Variants in SFXN5 observed in about 807,000 individuals in gnomAD.
SFXN5 encodes sideroflexin-5.
Under a neutral mutation model 50.2 loss-of-function variants are expected in SFXN5, and 43 were observed. The ratio of observed to expected loss-of-function variants is 0.86; its 90% CI spans 0.67 to 1.11. SFXN5 has a LOEUF of 1.11. Among genes scored for constraint, SFXN5 ranks in the 50% least tolerant of loss-of-function variants. SFXN5 has a pLI of 0.00. For synonymous variants in SFXN5, 203 were observed against 185.8 expected (o/e 1.09, Z -0.75); for missense variants, 463 against 454.1 (o/e 1.02, Z -0.18).
intron 3 of SFXN5, among the ~76,000 whole-genome samples, chr2:73,035,464 C>T (rs1253109464): frequency 6.7e-6 from 1 of 150,048 alleles, no homozygotes; most frequent in Non-Finnish European, 1.5e-5. Flanking sequence ...ATTTTGTCCT[C>T]AGAACCAGTG....
chr2:73,012,379 T>A (rs752626273), intron 6 of SFXN5, among the ~76,000 whole-genome samples: 2 of 152,084 alleles, frequency 1.3e-5, no homozygotes, highest in Admixed American at 6.6e-5. Flanking sequence ...CCAAAGAACA[T>A]ATTCATGTAT....
intron 6 of SFXN5, among the ~76,000 whole-genome samples, chr2:73,004,315 G>GCGCACACA (rs777120545): frequency 1.7e-5 from 2 of 115,556 alleles, no homozygotes; most frequent in African/African-American, 5.5e-5. Flanking sequence ...GAGTGCGCGC[G>GCGCACACA]CACACACACA....
chr2:73,038,546 T>G (rs1215209864), intron 3 of SFXN5, among the ~76,000 whole-genome samples: 1 of 152,174 alleles, frequency 6.6e-6, no homozygotes, highest in African/African-American at 2.4e-5. Context: ...GGAGGAACAC[T>G]TAAGCCTGAG....
chr2:73,028,422 C>T (rs1263048589), intron 3 of SFXN5, among the ~76,000 whole-genome samples: 5 of 152,140 alleles, frequency 3.3e-5, no homozygotes, highest in Non-Finnish European at 7.3e-5. Context: ...GAGGCCTGGG[C>T]GCAGGGAGGG....
At chr2:72,958,425 A>G (rs1673343508) in intron 13 of SFXN5, among the ~76,000 whole-genome samples, 2 of 152,160 alleles carry the variant, frequency 1.3e-5, no homozygotes, top group Admixed American at 1.3e-4. Flanking sequence ...CCATTTCCCC[A>G]GCAAAGTCAG....
chr2:73,021,778 A>G (rs995662460), intron 5 of SFXN5, among the ~76,000 whole-genome samples: 4 of 152,190 alleles, frequency 2.6e-5, no homozygotes, highest in Admixed American at 6.5e-5. Context: ...TTGCACTGAG[A>G]AATGGCAAGA....
intron 2 of SFXN5, among the ~76,000 whole-genome samples, chr2:73,057,676 C>T (rs1358396783): frequency 6.6e-6 from 1 of 152,162 alleles, no homozygotes; most frequent in African/African-American, 2.4e-5. Flanking sequence ...CCCACCCAAA[C>T]CTCATCTCAA....
chr2:72,955,262 C>T (rs989365842), intron 13 of SFXN5, among the ~76,000 whole-genome samples: 4 of 134,854 alleles, frequency 3.0e-5, no homozygotes, highest in Non-Finnish European at 5.9e-5. Flanking sequence ...CCTGTCACCA[C>T]GGCTGGCTCG....
At position 73,047,298 on chromosome 2, in the gene SFXN5, A is replaced by ATAT. The variant is rs1394689911; in HGVS notation, c.172-6368_172-6367insATA. On this transcript the variant is annotated intron_variant, in intron 2 of 13. Transcript: ENST00000272433. ...TATACACACATATATATATATATAT[A>ATAT]AAATATATATGTGTGTGTATGTATA... Among the ~76,000 whole-genome samples, 117 of 99,624 alleles carry ATAT rather than the reference A, an allele frequency of 1.2e-3. 3 individuals carry two copies. Among genetic ancestry groups the ATAT allele is most frequent in the African/African-American group, 1.7e-3 (39 of 23,258 alleles). The allele number at this position is 99,624 out of a possible 152,430, so 65.4% of individuals were successfully genotyped here.
intron 10 of SFXN5, among the ~76,000 whole-genome samples, chr2:72,979,852 T>C (rs1486295650): frequency 6.6e-6 from 1 of 152,194 alleles, no homozygotes; most frequent in African/African-American, 2.4e-5. Context: ...CATATAGATA[T>C]AATAGGCAGA....
chr2:72,965,179 C>T (rs1478498938), intron 12 of SFXN5, among the ~76,000 whole-genome samples: 1 of 152,160 alleles, frequency 6.6e-6, no homozygotes, highest in Non-Finnish European at 1.5e-5. Flanking sequence ...AGCAAGAGGA[C>T]GTTGAGGGGA....
chr2:73,052,036 T>C (rs1326639208), intron 2 of SFXN5, among the ~76,000 whole-genome samples: 1 of 152,118 alleles, frequency 6.6e-6, no homozygotes, highest in Admixed American at 6.5e-5. Context: ...TAATTTAATG[T>C]GTTACAATCC....
At chr2:72,968,122 A>AACACAC (rs34361357) in intron 12 of SFXN5, among the ~76,000 whole-genome samples, 6,393 of 137,212 alleles carry the variant, frequency 0.047, 186 homozygotes, top group Middle Eastern at 0.1. Flanking sequence ...CACACATGAA[A>AACACAC]ACACACACAC....
intron 3 of SFXN5, among the ~76,000 whole-genome samples, chr2:73,039,450 G>A (rs920800205): frequency 6.6e-6 from 1 of 152,196 alleles, no homozygotes; most frequent in African/African-American, 2.4e-5. Context: ...GTCTGACTAT[G>A]CAGTAAATGT....
At chr2:72,971,482 T>C (rs1224433287) in intron 11 of SFXN5, 88 bp downstream of exon 11, 4 of 887,376 alleles carry the variant, frequency 4.5e-6, no homozygotes, top group Non-Finnish European at 7.1e-6. Context: ...GTACCCTGGA[T>C]AGAAGCCTGT....
rs1281691903 is a variant in SFXN5 at position 73,040,882 on chromosome 2, G to T, written c.221C>A (p.Thr74Asn). ...TTCATTGGTGACCCCCGGGCGCAGGGTCCCATGCTTATAGTCCTCCAGCAG... is the reference window on the plus strand; with the variant it reads ...TTCATTGGTGACCCCCGGGCGCAGGTTCCCATGCTTATAGTCCTCCAGCAG... ...VQLLEDYKHG[T>N]LRPGVTNEQL... The change falls in exon 3 of 14, where the codon ACC becomes AAC. Residue 74 changes from threonine (T) to asparagine (N), a missense_variant. By Grantham distance (65) the Thr-to-Asn change is moderately conservative (BLOSUM62 0). Transcript: ENST00000272433. The T allele has an allele frequency of 6.2e-6, 10 of 1,612,922 alleles. No individual in the cohort carries two copies. Among genetic ancestry groups the T allele is most frequent in the Non-Finnish European group, 8.5e-6 (10 of 1,179,624 alleles).
Position 73,046,408 on chromosome 2 carries a change from CA to C in SFXN5, c.172-5478del, listed in dbSNP as rs113423799. Among the ~76,000 whole-genome samples the C allele has an allele frequency of 4.7e-3, 510 of 108,054 alleles. 5 individuals carry two copies. The highest frequency in any genetic ancestry group is 0.011 in the Middle Eastern group (2 of 174). The allele number at this position is 108,054 out of a possible 152,430, so 70.9% of individuals were successfully genotyped here. On this transcript the variant is annotated intron_variant, in intron 2 of 13. Transcript: ENST00000272433. ...TGGGCAATAGAGTGAGACTCCATCT[CA>C]AAAAAAAAAAAAAAAGTAATATGTC...
intron 9 of SFXN5, chr2:72,997,096 T>C (rs1232490706): frequency 6.6e-6 from 1 of 152,212 alleles, no homozygotes; most frequent in East Asian, 1.9e-4. Context: ...AGCAGTCTCT[T>C]GGTGAGCCAC....
At chr2:73,040,794 T>C (rs1679522543) in intron 3 of SFXN5, 60 bp downstream of exon 3, 12 of 1,412,648 alleles carry the variant, frequency 8.5e-6, no homozygotes, top group Non-Finnish European at 1.2e-5. Flanking sequence ...GAAGGGTTTG[T>C]GAATTTCTCA....
Sources: gnomAD v4.1 joint callset for allele counts (sites outside exome capture counted in the v4.1 genomes callset) on GRCh38, gnomAD v4.1.1 for gene constraint, MANE v1.5 for transcripts, NCBI Gene and HGNC (gene_info 2026-07-23, HGNC 2026-07-21) for gene names.